OPA1: variants seen among roughly 807,000 people sequenced by gnomAD.
The protein encoded by OPA1 is dynamin-like GTPase OPA1, mitochondrial.
OPA1 carries 59 observed loss-of-function variants against 152.9 expected under a neutral mutation model. The observed-to-expected ratio is 0.39, with a 90% confidence interval of 0.31 to 0.48. OPA1 has a LOEUF of 0.48. Ranked by LOEUF, OPA1 falls within the 20% of genes least tolerant of loss-of-function variation. The pLI, the probability that OPA1 is intolerant of heterozygous loss-of-function variation, is 0.96. For missense variants in OPA1, 1,008 were observed against 1,216.8 expected (o/e 0.83, Z 2.55); for synonymous variants, 400 against 389.9 (o/e 1.03, Z -0.31).
intron 29 of OPA1, among the ~76,000 whole-genome samples, chr3:193,667,626 C>T (rs1310201415): frequency 6.8e-6 from 1 of 146,636 alleles, no homozygotes; most frequent in Non-Finnish European, 1.5e-5. Flanking sequence ...AGCCAAGATC[C>T]TGCCACTGCA....
chr3:193,626,335 T>G, intron 7 of OPA1, 133 bp downstream of exon 7: 1 of 708,426 alleles, frequency 1.4e-6, no homozygotes, highest in East Asian at 2.7e-5. Context: ...ATATAAAAGA[T>G]GCATCATATA....
chr3:193,690,430 G>T (rs1721528201), intron 29 of OPA1, among the ~76,000 whole-genome samples: 1 of 151,562 alleles, frequency 6.6e-6, no homozygotes, highest in Non-Finnish European at 1.5e-5. Context: ...GGAGGCTGAG[G>T]CAGCAGGATC....
chr3:193,655,341 T>G (rs1228788088), intron 22 of OPA1, among the ~76,000 whole-genome samples: 1 of 152,176 alleles, frequency 6.6e-6, no homozygotes, highest in Non-Finnish European at 1.5e-5. Flanking sequence ...GTGAAATATT[T>G]TGAACATTTT....
intron 29 of OPA1, among the ~76,000 whole-genome samples, chr3:193,684,533 C>T (rs1239048363): frequency 1.3e-5 from 2 of 150,942 alleles, no homozygotes; most frequent in Non-Finnish European, 2.9e-5. Context: ...TCACTACAAC[C>T]TCCGCCTCCT....
At chr3:193,688,747 G>C (rs551770766) in intron 29 of OPA1, among the ~76,000 whole-genome samples, 16 of 152,034 alleles carry the variant, frequency 1.1e-4, no homozygotes, top group Admixed American at 1.0e-3. Context: ...TTGTGAAGCC[G>C]AGTGGGGAGG....
chr3:193,642,033 CT>C (rs1227177986), intron 11 of OPA1, among the ~76,000 whole-genome samples: 1 of 152,196 alleles, frequency 6.6e-6, no homozygotes, highest in Non-Finnish European at 1.5e-5. Context: ...GGAGAATCAC[CT>C]GAAACCGCGA....
At chr3:193,668,301 C>G in intron 29 of OPA1, 1 of 1,537,984 alleles carries the variant, frequency 6.5e-7, no homozygotes, top group Non-Finnish European at 8.8e-7. Flanking sequence ...AAGATATGTC[C>G]TTTTCCATTG....
rs150938151 is a variant in OPA1, at chr3:193,685,226, C to A, written c.2984-6837C>A. 4.6e-5 allele frequency among the ~76,000 whole-genome samples: 7 copies of A among 151,610 alleles called. No individual in the cohort carries two copies. The East Asian group carries it at 1.4e-3, about 30-fold the overall frequency. On this transcript the variant is annotated intron_variant, in intron 29 of 30. Transcript: ENST00000361510. The stretch of plus-strand genomic sequence containing the variant: ...CTGAGGCAGAAGAATCATTTGAAAC[C>A]GGGAGGCGGAGGTTGCAGTGAGCCG...
Position 193,635,455 on chromosome 3 carries a change from A to G in OPA1, c.881A>G (p.Glu294Gly), listed in dbSNP as rs2109002459. The G allele has an allele frequency of 1.2e-6, 2 of 1,608,150 alleles. No homozygotes were observed. The highest frequency in any genetic ancestry group is 4.5e-5 in the East Asian group (2 of 44,684). ...AGAATCTTGGAACGATTAGAAAAGG[A>G]GAACAAAGAATTGAGAAAATTAGTA... The part of the protein sequence containing the change: ...YQRILERLEK[E>G]NKELRKLVLQ... Residue 294 changes from glutamate to glycine, a missense_variant, in exon 9 of 31, where the codon GAG becomes GGG. Glu to Gly is a moderately conservative substitution (Grantham distance 98, BLOSUM62 -2). This residue lies in a region of OPA1 where 408 missense variants were observed against 395.1 expected (regional missense o/e 1.03). Coordinates refer to ENST00000361510, the MANE Select transcript of OPA1 (RefSeq NM_130837.3).
At chr3:193,596,306 T>TTTTCCTTTCCTTTCCTTTCCTTTCC (rs59723526) in intron 1 of OPA1, among the ~76,000 whole-genome samples, 6,327 of 104,480 alleles carry the variant, frequency 0.061, 439 homozygotes, top group South Asian at 0.13. Context: ...TTTTCTTTTC[T>TTTTCCTTTCCTTTCCTTTCCTTTCC]TTTCCTTTCC....
intron 3 of OPA1, among the ~76,000 whole-genome samples, chr3:193,616,888 T>G (rs1222952412): frequency 6.6e-6 from 1 of 152,242 alleles, no homozygotes; most frequent in Non-Finnish European, 1.5e-5. Context: ...CACTTTCAAA[T>G]TGTTCTTCTA....
intron 23 of OPA1, 87 bp downstream of exon 23, chr3:193,657,319 C>G (rs1714094466): frequency 2.5e-6 from 3 of 1,216,422 alleles, no homozygotes; most frequent in Non-Finnish European, 2.4e-6. Flanking sequence ...CTTTATATGA[C>G]TAAATTACAT....
At chr3:193,596,506 C>G (rs1725619959) in intron 1 of OPA1, among the ~76,000 whole-genome samples, 1 of 151,456 alleles carries the variant, frequency 6.6e-6, no homozygotes, top group Non-Finnish European at 1.5e-5. Flanking sequence ...TCCCAAAATG[C>G]CAGGATTACA....
rs776167348 is a variant in OPA1, at chr3:193,637,162, G to C, written c.949-33G>C. On this transcript the variant is annotated intron_variant, in intron 9 of 30. Transcript: ENST00000361510. Reference sequence around the variant, plus strand: ...TTATATTTTTTTCTTTACTTTTACTGTTTTATATTATAACTTTTTAAAATT... The same window carrying C: ...TTATATTTTTTTCTTTACTTTTACTCTTTTATATTATAACTTTTTAAAATT... The C allele has an allele frequency of 4.0e-6, 5 of 1,239,786 alleles. No homozygotes were observed. The East Asian group carries it at 1.3e-4, about 31-fold the overall frequency. 76.8% of individuals were successfully genotyped at this position (1,239,786 alleles called of 1,614,324 possible).
rs147939847 is a variant in OPA1, at chr3:193,611,121, C to T, written c.33-3602C>T. Among the ~76,000 whole-genome samples the T allele has an allele frequency of 4.6e-3, 697 of 152,254 alleles. 4 individuals are homozygous for T. The highest frequency in any genetic ancestry group is 0.016 in the African/African-American group (664 of 41,556). The stretch of plus-strand genomic sequence containing the variant: ...AAATGCAGAAATCACCCGTTTTCTG[C>T]GTCGCTCAAGCTGGGAGCTGTAGAC... On this transcript the variant is annotated intron_variant, in intron 1 of 30. Coordinates refer to ENST00000361510, the MANE Select transcript of OPA1 (RefSeq NM_130837.3).
At chr3:193,630,112 C>G (rs899097377) in intron 7 of OPA1, among the ~76,000 whole-genome samples, 4 of 152,172 alleles carry the variant, frequency 2.6e-5, no homozygotes, top group African/African-American at 9.6e-5. Flanking sequence ...TGTATTTCTT[C>G]ATTGGCTTTC....
At chr3:193,629,093 A>T (rs1731652690) in intron 7 of OPA1, among the ~76,000 whole-genome samples, 1 of 151,984 alleles carries the variant, frequency 6.6e-6, no homozygotes, top group African/African-American at 2.4e-5. Flanking sequence ...TTGTATTTTT[A>T]GTAGAGACGG....
chr3:193,616,507 G>A (rs1275991422), intron 3 of OPA1, among the ~76,000 whole-genome samples: 1 of 152,054 alleles, frequency 6.6e-6, no homozygotes, highest in Non-Finnish European at 1.5e-5. Context: ...ATTATGTAAT[G>A]TTGCCCAGAG....
At chr3:193,654,667 G>A (rs186012462) in intron 21 of OPA1, among the ~76,000 whole-genome samples, 195 bp from the exon 22 acceptor site, 4 of 152,296 alleles carry the variant, frequency 2.6e-5, no homozygotes, top group African/African-American at 9.6e-5. Context: ...AGCAGTTCCA[G>A]TGGTTACAAC....
Sources: gnomAD v4.1 joint callset for allele counts (sites outside exome capture counted in the v4.1 genomes callset) on GRCh38, gnomAD v4.1.1 for gene constraint, gnomAD v4.1.1 regional missense constraint, MANE v1.5 for transcripts, NCBI Gene and HGNC (gene_info 2026-07-23, HGNC 2026-07-21) for gene names.